SLIT2: variants seen among roughly 807,000 people sequenced by gnomAD.
SLIT2 encodes the protein slit guidance ligand 2.
SLIT2 carries 41 observed loss-of-function variants against 185.7 expected under a neutral mutation model. The ratio of observed to expected loss-of-function variants is 0.22; its 90% CI spans 0.17 to 0.29. SLIT2 has a LOEUF of 0.29. Among genes scored for constraint, SLIT2 ranks in the 10% least tolerant of loss-of-function variants. SLIT2 has a pLI of 1.00. For synonymous variants in SLIT2, 693 were observed against 680.2 expected, an observed-to-expected ratio of 1.02 and a Z score of -0.29; for missense variants, 1,571 against 1,909.0, an observed-to-expected ratio of 0.82 and a Z score of 3.30.
chr4:20,457,728 T>G (rs1713239103), intron 4 of SLIT2, among the ~76,000 whole-genome samples: 1 of 152,180 alleles, frequency 6.6e-6, no homozygotes, highest in African/African-American at 2.4e-5. Context: ...GACTATGCTA[T>G]TTTTAACTTT....
At chr4:20,368,241 AAAG>A (rs1262014543) in intron 4 of SLIT2, among the ~76,000 whole-genome samples, 2 of 151,008 alleles carry the variant, frequency 1.3e-5, no homozygotes, top group African/African-American at 4.8e-5. Flanking sequence ...AAAAGAAAAA[AAAG>A]AAAGAAAAAA....
chr4:20,393,745 G>A (rs1725641617), intron 4 of SLIT2: 1 of 151,998 alleles, frequency 6.6e-6, no homozygotes, highest in Non-Finnish European at 1.5e-5. Flanking sequence ...TTCTGCAAGA[G>A]CTTCCTACAT....
At chr4:20,432,387 C>A (rs887874160) in intron 4 of SLIT2, among the ~76,000 whole-genome samples, 2 of 152,094 alleles carry the variant, frequency 1.3e-5, no homozygotes, top group African/African-American at 4.8e-5. Flanking sequence ...AAGAAAAATA[C>A]TTCTGAGAAA....
At chr4:20,339,090 C>CAAAAAAAAAAAAAAAAAAAAAAA in intron 4 of SLIT2, among the ~76,000 whole-genome samples, 1 of 70,750 alleles carries the variant, frequency 1.4e-5, no homozygotes, top group Non-Finnish European at 2.5e-5. Context: ...GAGACACTCT[C>CAAAAAAAAAAAAAAAAAAAAAAA]AAAAAAAAAA....
chr4:20,471,593 G>A (rs991085968), intron 5 of SLIT2, among the ~76,000 whole-genome samples: 1 of 152,164 alleles, frequency 6.6e-6, no homozygotes, highest in Non-Finnish European at 1.5e-5. Flanking sequence ...ATAGCACTAT[G>A]TAAAAGCCCA....
In SLIT2 at chr4:20,548,576, G is replaced by T. The variant is rs543183905; in HGVS notation, c.2417+17G>T. 6.6e-7 allele frequency: 1 copy of T among 1,503,848 alleles called. No homozygotes were observed. Among genetic ancestry groups the T allele is most frequent in the African/African-American group, 1.4e-5 (1 of 72,684 alleles). 93.2% of individuals were successfully genotyped at this position (1,503,848 alleles called of 1,614,324 possible). A position where few individuals can be genotyped will look rare whatever the true frequency, so the allele number is the denominator to read the frequency against. ...CCTCACCTTGTGAGTGTGAAAGTGT[G>T]GTACTGAGTATTCATTAATTCAATG... On this transcript the variant is annotated intron_variant, in intron 23 of 36. Coordinates refer to ENST00000504154, the MANE Select transcript of SLIT2 (RefSeq NM_004787.4).
chr4:20,500,813 T>TG (rs1471662528), intron 9 of SLIT2, among the ~76,000 whole-genome samples: 9 of 152,142 alleles, frequency 5.9e-5, no homozygotes, highest in African/African-American at 2.2e-4. Context: ...CAATTAGAAT[T>TG]GCGTTCTCAA....
chr4:20,481,034 T>A (rs545091933), intron 6 of SLIT2, among the ~76,000 whole-genome samples: 2 of 152,196 alleles, frequency 1.3e-5, no homozygotes, highest in South Asian at 4.1e-4. Flanking sequence ...AATGTTTTTA[T>A]GAGATTCATA....
At chr4:20,481,367 A>G (rs1004599732) in intron 6 of SLIT2, among the ~76,000 whole-genome samples, 11 of 152,118 alleles carry the variant, frequency 7.2e-5, no homozygotes, top group Non-Finnish European at 1.6e-4. Flanking sequence ...CATGACTGAC[A>G]AAATTGGTTA....
intron 4 of SLIT2, among the ~76,000 whole-genome samples, chr4:20,460,143 A>G (rs760168540): frequency 9.5e-4 from 144 of 152,050 alleles, no homozygotes; most frequent in Non-Finnish European, 9.9e-4. Context: ...GATTACAGGC[A>G]TGAGCCACTG....
chr4:20,525,562 T>C (rs1031592176), intron 15 of SLIT2, among the ~76,000 whole-genome samples: 3 of 152,158 alleles, frequency 2.0e-5, no homozygotes, highest in African/African-American at 7.2e-5. Flanking sequence ...ATCTTTCTGA[T>C]GTCAAAGAGC....
At chr4:20,384,739 A>G (rs778558932) in intron 4 of SLIT2, among the ~76,000 whole-genome samples, 3 of 152,138 alleles carry the variant, frequency 2.0e-5, no homozygotes, top group Non-Finnish European at 4.4e-5. Context: ...CCAAAAATTT[A>G]AATCTTTTGC....
At chr4:20,487,828 T>C (rs984595581) in intron 7 of SLIT2, among the ~76,000 whole-genome samples, 1 of 152,224 alleles carries the variant, frequency 6.6e-6, no homozygotes, top group Non-Finnish European at 1.5e-5. Flanking sequence ...TATAGTATCA[T>C]TGCTACTTAA....
intron 4 of SLIT2, among the ~76,000 whole-genome samples, chr4:20,326,550 A>G (rs959243011): frequency 6.6e-6 from 1 of 151,532 alleles, no homozygotes; most frequent in Non-Finnish European, 1.5e-5. Flanking sequence ...ATGTGCTTGC[A>G]TTTTTTCCTT....
chr4:20,307,646 T>C (rs1441833324), intron 4 of SLIT2, among the ~76,000 whole-genome samples: 1 of 152,208 alleles, frequency 6.6e-6, no homozygotes, highest in Non-Finnish European at 1.5e-5. Context: ...TATGCTGCAT[T>C]AAGACATTCA....
At chr4:20,534,219 A>G (rs1722065504) in intron 18 of SLIT2, among the ~76,000 whole-genome samples, 1 of 152,216 alleles carries the variant, frequency 6.6e-6, no homozygotes, top group African/African-American at 2.4e-5. Context: ...CTGCAGTAGA[A>G]TAATTCTAAC....
intron 9 of SLIT2, among the ~76,000 whole-genome samples, chr4:20,492,389 A>AT (rs1717860730): frequency 3.3e-5 from 5 of 152,198 alleles, no homozygotes; most frequent in Admixed American, 3.3e-4. Flanking sequence ...AAATGTAAAG[A>AT]TTTTTTATAT....
chr4:20,409,866 C>G (rs988666604), intron 4 of SLIT2, among the ~76,000 whole-genome samples: 3 of 152,064 alleles, frequency 2.0e-5, no homozygotes, highest in Non-Finnish European at 4.4e-5. Context: ...GCATGTATGT[C>G]TTCTTTTGAG....
chr4:20,614,181 A>G (rs1729460200), intron 34 of SLIT2, among the ~76,000 whole-genome samples: 2 of 151,994 alleles, frequency 1.3e-5, no homozygotes, highest in Admixed American at 1.3e-4. Context: ...CCGACACAAA[A>G]TAATTTAGTT....
Sources: gnomAD v4.1 joint callset for allele counts (sites outside exome capture counted in the v4.1 genomes callset) on GRCh38, gnomAD v4.1.1 for gene constraint, MANE v1.5 for transcripts, NCBI Gene and HGNC (gene_info 2026-07-23, HGNC 2026-07-21) for gene names.